MARCHF2: variants seen among roughly 807,000 people sequenced by gnomAD.
MARCHF2 encodes E3 ubiquitin-protein ligase MARCHF2.
MARCHF2 carries 22 observed loss-of-function variants against 24.0 expected under a neutral mutation model. The ratio of observed to expected loss-of-function variants is 0.92; its 90% CI spans 0.66 to 1.31. The LOEUF (loss-of-function observed/expected upper bound fraction) is 1.31, where lower values mean the gene tolerates loss of function less well. Ranked by LOEUF, MARCHF2 falls within the 50% of genes most tolerant of loss-of-function variation. MARCHF2 has a pLI of 0.00. For synonymous variants in MARCHF2, 154 were observed against 153.0 expected, an observed-to-expected ratio of 1.01 and a Z score of -0.05; for missense variants, 301 against 335.3, an observed-to-expected ratio of 0.90 and a Z score of 0.80.
chr19:8,422,702 ATT>A (rs79474553), intron 2 of MARCHF2, among the ~76,000 whole-genome samples: 23 of 97,100 alleles, frequency 2.4e-4, no homozygotes, highest in East Asian at 2.9e-4. Flanking sequence ...CTCTTTTTAA[ATT>A]TTTTTTTTTT....
At position 8,432,485 on chromosome 19, in the gene MARCHF2, T is replaced by C. The variant is rs183188614; in HGVS notation, c.582+1618T>C. Among the ~76,000 whole-genome samples the C allele has an allele frequency of 4.9e-4, 75 of 152,118 alleles. 2 individuals carry two copies. The highest frequency in any genetic ancestry group is 3.8e-3 in the Admixed American group (58 of 15,226). ...AGCAGGGCAACTTAGGGAGACCCCATCTCTACAAAAGGAAAATAATTAGCT... is the reference window on the plus strand; with the variant it reads ...AGCAGGGCAACTTAGGGAGACCCCACCTCTACAAAAGGAAAATAATTAGCT... On this transcript the variant is annotated intron_variant, in intron 4 of 4. Coordinates refer to ENST00000215555, the MANE Select transcript of MARCHF2 (RefSeq NM_001005415.2).
At chr19:8,436,474 C>T (rs190422911) in intron 4 of MARCHF2, among the ~76,000 whole-genome samples, 138 of 152,018 alleles carry the variant, frequency 9.1e-4, no homozygotes, top group Non-Finnish European at 1.6e-3. Flanking sequence ...TTTCGTTGCC[C>T]TAAAAGTCCT....
At chr19:8,423,670 A>G (rs1967315000) in intron 2 of MARCHF2, 1 of 151,924 alleles carries the variant, frequency 6.6e-6, no homozygotes, top group Non-Finnish European at 1.5e-5. Context: ...GCCCAACTCC[A>G]CCCCGCAGCA....
At chr19:8,429,803 C>CTT (rs371323385) in intron 3 of MARCHF2, among the ~76,000 whole-genome samples, 26 of 79,666 alleles carry the variant, frequency 3.3e-4, no homozygotes, top group African/African-American at 1.0e-3. Context: ...CACACCAGGG[C>CTT]TTTTTTTTTT....
chr19:8,430,734 C>T lies in MARCHF2; in HGVS notation c.449C>T (p.Pro150Leu), dbSNP rs367807044. The T allele has an allele frequency of 6.8e-6, 11 of 1,611,278 alleles. No homozygotes were observed. Among genetic ancestry groups the T allele is most frequent in the Admixed American group, 3.3e-5 (2 of 59,966 alleles). Residue 150 changes from proline to leucine, a missense_variant, in exon 4 of 5, where the codon CCG becomes CTG. Transcript: ENST00000215555. The surrounding 1 kb of genome is among the most constrained non-coding windows in gnomAD (Gnocchi z 4.4). ...ATGGTGTGTTTCCTGTTCATCACAC[C>T]GCTGGCCGCCATCTCAGGCTGGTTG... ...CDMVCFLFIT[P>L]LAAISGWLCL...
chr19:8,417,268 A>G (rs1194303334), intron 1 of MARCHF2, among the ~76,000 whole-genome samples: 1 of 152,006 alleles, frequency 6.6e-6, no homozygotes, highest in East Asian at 1.9e-4. Flanking sequence ...ACGTGGTGAA[A>G]CCCTGTCTCT....
Position 8,426,648 on chromosome 19 carries a change from C to T in MARCHF2, c.216C>T (p.Asn72=), listed in dbSNP as rs200451325. Residue 72 remains asparagine (N), a synonymous_variant, in exon 3 of 5, where the codon AAC becomes AAT. Transcript: ENST00000215555. ...GCCGGATCTGCCATGAGGGAGCGAA[C>T]GGGGAGTGCTTGCTGTCCCCGTGTG... ...PFCRICHEGA[N]GECLLSPCGC... is the part of the protein sequence containing the mutation. 147 of 1,614,012 alleles carry T rather than the reference C, an allele frequency of 9.1e-5. No individual in the cohort carries two copies. Among genetic ancestry groups the T allele is most frequent in the Middle Eastern group, 1.7e-4 (1 of 6,038 alleles).
intron 2 of MARCHF2, 139 bp from the exon 3 acceptor site, chr19:8,426,470 A>C: frequency 3.0e-6 from 2 of 663,010 alleles, no homozygotes; most frequent in Non-Finnish European, 5.2e-6. Flanking sequence ...AAGGACATTT[A>C]GAGCTGGGCA....
At chr19:8,427,454 A>G (rs1967437115) in intron 3 of MARCHF2, among the ~76,000 whole-genome samples, 1 of 151,328 alleles carries the variant, frequency 6.6e-6, no homozygotes, top group Admixed American at 6.6e-5. Flanking sequence ...CTGGGCACTC[A>G]TGGAGATTAA....
chr19:8,429,447 G>C (rs897678934), intron 3 of MARCHF2, among the ~76,000 whole-genome samples: 9 of 150,958 alleles, frequency 6.0e-5, no homozygotes, highest in Non-Finnish European at 1.3e-4. Flanking sequence ...GCAAGACCCT[G>C]TCTCTACAAA....
chr19:8,438,017 C>T (rs1012532585), intron 4 of MARCHF2, among the ~76,000 whole-genome samples: 1 of 152,096 alleles, frequency 6.6e-6, no homozygotes, highest in Admixed American at 6.6e-5. Context: ...CCCCCGTGCC[C>T]GGGCTCCCAA....
intron 3 of MARCHF2, 77 bp downstream of exon 3, chr19:8,426,881 G>T: frequency 2.9e-6 from 4 of 1,358,082 alleles, no homozygotes; most frequent in Non-Finnish European, 4.1e-6. Context: ...GAGCTGCCCC[G>T]GGCAATCTGG....
intron 4 of MARCHF2, among the ~76,000 whole-genome samples, chr19:8,435,161 G>C (rs148865158): frequency 4.7e-4 from 71 of 151,358 alleles, no homozygotes; most frequent in African/African-American, 1.6e-3. Flanking sequence ...TGGGACTACA[G>C]GTGTGCGCCA....
chr19:8,415,384 C>T (rs117406513), intron 1 of MARCHF2, among the ~76,000 whole-genome samples: 2,171 of 148,118 alleles, frequency 0.015, 32 homozygotes, highest in Middle Eastern at 0.043. Flanking sequence ...CAGATTGAGA[C>T]CCTGCCTCAA....
chr19:8,430,752 G>T lies in MARCHF2; in HGVS notation c.467G>T (p.Gly156Val). 1.2e-6 allele frequency: 2 copies of T among 1,611,532 alleles called. No homozygotes were observed. The highest frequency in any genetic ancestry group is 8.5e-7 in the Non-Finnish European group (1 of 1,180,000). Residue 156 changes from glycine to valine, a missense_variant, in exon 4 of 5, where the codon GGC (glycine) becomes GTC (valine). By Grantham distance (109) the Gly-to-Val change is moderately radical. Coordinates refer to ENST00000215555, the MANE Select transcript of MARCHF2 (RefSeq NM_001005415.2). This position sits in a 1 kb window ranked among gnomAD's most constrained non-coding sequence, Gnocchi z 4.4. ...ATCACACCGCTGGCCGCCATCTCAG[G>T]CTGGTTGTGCCTGCGCGGGGCCCAG... The part of the protein sequence containing the change: ...LFITPLAAIS[G>V]WLCLRGAQDH...
chr19:8,430,048 T>C lies in MARCHF2; in HGVS notation c.373-610T>C, dbSNP rs565650007. 3.9e-5 allele frequency among the ~76,000 whole-genome samples: 6 copies of C among 152,032 alleles called. No individual in the cohort carries two copies. The highest frequency in any genetic ancestry group is 2.6e-4 in the Admixed American group (4 of 15,218). ...CCAGCACCTGGCAGGGCCTGGCTCCTCATGGGCTCAATAAATGTTTGAAAG... is the reference window on the plus strand; with the variant it reads ...CCAGCACCTGGCAGGGCCTGGCTCCCCATGGGCTCAATAAATGTTTGAAAG... On this transcript the variant is annotated intron_variant, in intron 3 of 4. Transcript: ENST00000215555. This position sits in a 1 kb window ranked among gnomAD's most constrained non-coding sequence, Gnocchi z 4.4.
In MARCHF2 at chr19:8,438,686, AT is replaced by A; in HGVS notation, c.*141del. 1 of 793,896 alleles carries A rather than the reference AT, an allele frequency of 1.3e-6. No individual in the cohort carries two copies. Among genetic ancestry groups the A allele is most frequent in the Non-Finnish European group, 1.9e-6 (1 of 514,760 alleles). 49.2% of individuals were successfully genotyped at this position (793,896 alleles called of 1,614,324 possible). A position where few individuals can be genotyped will look rare whatever the true frequency, so the allele number is the denominator to read the frequency against. ...AACGCTTCTTAGGCCAAGAGACACC[AT>A]GCAGAGCCTAGTCTGTGATCCTGTG... On this transcript the variant is annotated 3_prime_UTR_variant, in exon 5 of 5. Coordinates refer to ENST00000215555, the MANE Select transcript of MARCHF2 (RefSeq NM_001005415.2).
rs915089656 is a variant in MARCHF2, at chr19:8,430,575, C to T, written c.373-83C>T. On this transcript the variant is annotated intron_variant, in intron 3 of 4. Transcript: ENST00000215555. This position sits in a 1 kb window ranked among gnomAD's most constrained non-coding sequence, Gnocchi z 4.4. ...AAAGAAGGAAAGGACAGAGGGAGGC[C>T]TAGGCCTGGAGGTCCTTACCCCTCC... 4 of 1,086,568 alleles carry T rather than the reference C, an allele frequency of 3.7e-6. No homozygotes were observed. The highest frequency in any genetic ancestry group is 5.5e-6 in the Non-Finnish European group (4 of 728,938). 67.3% of individuals were successfully genotyped at this position (1,086,568 alleles called of 1,614,324 possible).
intron 1 of MARCHF2, among the ~76,000 whole-genome samples, chr19:8,415,290 A>AG (rs1471300448): frequency 6.7e-6 from 1 of 150,298 alleles, no homozygotes; most frequent in Non-Finnish European, 1.5e-5. Context: ...CAGGAGGCTG[A>AG]GGTGGGAGGA....
Sources: gnomAD v4.1 joint callset for allele counts (sites outside exome capture counted in the v4.1 genomes callset) on GRCh38, gnomAD v4.1.1 for gene constraint, Gnocchi (gnomAD v3.1) non-coding constraint, MANE v1.5 for transcripts, NCBI Gene and HGNC (gene_info 2026-07-23, HGNC 2026-07-21) for gene names.